PAX5: variants seen among roughly 807,000 people sequenced by gnomAD.
PAX5 encodes paired box protein Pax-5.
PAX5 carries 9 observed loss-of-function variants against 43.7 expected under a neutral mutation model. That is an observed-to-expected ratio of 0.21 (90% CI 0.12 to 0.36). The LOEUF (loss-of-function observed/expected upper bound fraction) is 0.36. Ranked by LOEUF, PAX5 falls within the 10% of genes least tolerant of loss-of-function variation. The probability of loss-of-function intolerance (pLI) is 1.00; values close to 1 mark genes in which losing one functional copy is unlikely to be tolerated. For synonymous variants in PAX5, 228 were observed against 214.3 expected, an observed-to-expected ratio of 1.06 and a Z score of -0.56; for missense variants, 383 against 532.7, an observed-to-expected ratio of 0.72 and a Z score of 2.77.
intron 7 of PAX5, among the ~76,000 whole-genome samples, chr9:36,903,548 G>T (rs1471654456): frequency 6.6e-6 from 1 of 152,252 alleles, no homozygotes; most frequent in East Asian, 1.9e-4. Context: ...AGAGCCCTGA[G>T]GCTGCTGGGG....
chr9:37,002,979 G>A lies in PAX5; in HGVS notation c.476-203C>T, dbSNP rs376677431. On this transcript the variant is annotated intron_variant, in intron 4 of 9. Transcript: ENST00000358127. ...CGGGCCGTGTGCCCCAGTTCTCTGC[G>A]ATGGGGGGAGAAAGGGAAGGGTGGG... 1,139 of 574,018 alleles carry A rather than the reference G, an allele frequency of 2.0e-3. 32 individuals carry two copies. The South Asian group carries it at 0.024, about 12-fold the overall frequency. The allele number at this position is 574,018 out of a possible 1,614,324, so 35.6% of individuals were successfully genotyped here. A position where few individuals can be genotyped will look rare whatever the true frequency, so the allele number is the denominator to read the frequency against.
At chr9:36,958,469 T>TG (rs1833682999) in intron 6 of PAX5, among the ~76,000 whole-genome samples, 1 of 110,210 alleles carries the variant, frequency 9.1e-6, no homozygotes, top group South Asian at 3.0e-4. Flanking sequence ...GGAGGGTTGG[T>TG]GGGGGGAAGT....
chr9:36,939,859 G>A (rs955985699), intron 6 of PAX5, among the ~76,000 whole-genome samples: 5 of 152,214 alleles, frequency 3.3e-5, no homozygotes, highest in Non-Finnish European at 7.3e-5. Flanking sequence ...GCACGCTGGC[G>A]TCGTGTGGGC....
chr9:36,855,384 A>T (rs1243337572), intron 8 of PAX5, among the ~76,000 whole-genome samples: 1 of 152,200 alleles, frequency 6.6e-6, no homozygotes, highest in African/African-American at 2.4e-5. Context: ...ATCCCTGGCT[A>T]TGCCATGGCA....
chr9:36,847,095 T>C (rs1002740102), intron 8 of PAX5, among the ~76,000 whole-genome samples, 166 bp from the exon 9 acceptor site: 2 of 152,082 alleles, frequency 1.3e-5, no homozygotes, highest in African/African-American at 4.8e-5. Context: ...CATTATGGAG[T>C]GGGCAGCTGT....
At chr9:36,941,773 G>A (rs1429552870) in intron 6 of PAX5, among the ~76,000 whole-genome samples, 2 of 148,542 alleles carry the variant, frequency 1.3e-5, no homozygotes, top group African/African-American at 2.5e-5. Context: ...CAAAGAATAT[G>A]AAGCGGTGGA....
At chr9:36,910,590 T>C (rs1469792627) in intron 7 of PAX5, among the ~76,000 whole-genome samples, 2 of 152,216 alleles carry the variant, frequency 1.3e-5, no homozygotes, top group African/African-American at 4.8e-5. Context: ...AGGGGTGTGT[T>C]GGGCAGTGCC....
intron 6 of PAX5, among the ~76,000 whole-genome samples, chr9:36,935,975 C>T (rs1483283111): frequency 6.6e-6 from 1 of 152,234 alleles, no homozygotes; most frequent in African/African-American, 2.4e-5. Context: ...GCGTATGATG[C>T]TTGCTTCTGC....
At chr9:36,960,367 G>A (rs1833859519) in intron 6 of PAX5, among the ~76,000 whole-genome samples, 1 of 152,170 alleles carries the variant, frequency 6.6e-6, no homozygotes. Flanking sequence ...ATGGGCAGCA[G>A]CCCCCTTGGA....
intron 5 of PAX5, among the ~76,000 whole-genome samples, chr9:36,998,954 G>A: frequency 6.6e-6 from 1 of 152,082 alleles, no homozygotes; most frequent in Non-Finnish European, 1.5e-5. Flanking sequence ...TCTTTTTAAT[G>A]TAGTTACTAG....
At chr9:36,976,114 A>G (rs545083523) in intron 5 of PAX5, among the ~76,000 whole-genome samples, 28 of 152,340 alleles carry the variant, frequency 1.8e-4, no homozygotes, top group African/African-American at 6.7e-4. Context: ...TGTCTCGCCT[A>G]CTTCTAAGAC....
intron 5 of PAX5, among the ~76,000 whole-genome samples, chr9:36,979,070 T>C (rs2132265704): frequency 6.6e-6 from 1 of 152,356 alleles, no homozygotes; most frequent in East Asian, 1.9e-4. Context: ...AGAATTCAAT[T>C]GATCAATCAT....
At chr9:37,003,647 G>A (rs867941768) in intron 4 of PAX5, among the ~76,000 whole-genome samples, 15 of 152,046 alleles carry the variant, frequency 9.9e-5, no homozygotes, top group Non-Finnish European at 2.2e-4. Flanking sequence ...AGACCAGCCT[G>A]GCCAACATAG....
At chr9:36,887,759 C>G (rs911223830) in intron 7 of PAX5, among the ~76,000 whole-genome samples, 1 of 151,840 alleles carries the variant, frequency 6.6e-6, no homozygotes, top group Non-Finnish European at 1.5e-5. Flanking sequence ...ATGACACAAA[C>G]AAAAAAATAG....
intron 6 of PAX5, among the ~76,000 whole-genome samples, chr9:36,955,464 C>T (rs1159893163): frequency 6.6e-6 from 1 of 151,974 alleles, no homozygotes; most frequent in African/African-American, 2.4e-5. Flanking sequence ...CATGTAGAAT[C>T]AAGTTTCCCT....
intron 7 of PAX5, among the ~76,000 whole-genome samples, chr9:36,893,804 G>A (rs765226817): frequency 2.6e-5 from 4 of 152,188 alleles, no homozygotes; most frequent in African/African-American, 7.2e-5. Flanking sequence ...CTACTGTATC[G>A]GCGAGGTTCA....
Position 36,840,230 on chromosome 9 carries a change from TGATG to T in PAX5, c.*326_*329del. The T allele has an allele frequency of 2.0e-6, 1 of 496,520 alleles. No individual in the cohort carries two copies. The highest frequency in any genetic ancestry group is 3.6e-5 in the East Asian group (1 of 27,596). 30.8% of individuals were successfully genotyped at this position (496,520 alleles called of 1,614,324 possible). On this transcript the variant is annotated 3_prime_UTR_variant, in exon 10 of 10. Coordinates refer to ENST00000358127, the MANE Select transcript of PAX5 (RefSeq NM_016734.3). Reference sequence around the variant, plus strand: ...TCTCCTTCCCAGGCTGGGGTGGTTATGATGGATGGATAGTCAGACAGCTGGAGGA... The same window carrying T: ...TCTCCTTCCCAGGCTGGGGTGGTTATGATGGATAGTCAGACAGCTGGAGGA...
intron 6 of PAX5, among the ~76,000 whole-genome samples, chr9:36,931,674 C>T (rs1831134711): frequency 6.6e-6 from 1 of 151,882 alleles, no homozygotes; most frequent in African/African-American, 2.4e-5. Flanking sequence ...CACGGTGAAA[C>T]CCCATCTCTA....
intron 6 of PAX5, among the ~76,000 whole-genome samples, chr9:36,934,574 A>G (rs1462739227): frequency 6.6e-6 from 1 of 152,230 alleles, no homozygotes; most frequent in Non-Finnish European, 1.5e-5. Context: ...GTTTAATTGA[A>G]TGATGCTTGC....
Sources: allele counts gnomAD v4.1 joint callset (sites outside exome capture counted in the v4.1 genomes callset), GRCh38; gene constraint gnomAD v4.1.1; transcripts MANE v1.5; gene names NCBI Gene and HGNC (gene_info 2026-07-23, HGNC 2026-07-21).